Variants in SCGB2B2 observed in about 807,000 individuals in gnomAD.
SCGB2B2 encodes the protein secretoglobin-like protein.
Under a neutral mutation model 7.6 loss-of-function variants are expected in SCGB2B2, and 11 were observed. The ratio of observed to expected loss-of-function variants is 1.45; its 90% CI spans 0.91 to 2.40. The LOEUF (loss-of-function observed/expected upper bound fraction) is 2.40, where lower values mean the gene tolerates loss of function less well. Ranked by LOEUF, SCGB2B2 falls within the 30% of genes most tolerant of loss-of-function variation. The pLI is 0.00. For synonymous variants in SCGB2B2, 50 were observed against 48.6 expected (o/e 1.03, Z -0.12); for missense variants, 104 against 115.4 (o/e 0.90, Z 0.45).
intron 1 of SCGB2B2, among the ~76,000 whole-genome samples, chr19:34,650,623 A>G (rs1004048337): frequency 6.6e-6 from 1 of 151,364 alleles, no homozygotes; most frequent in Non-Finnish European, 1.5e-5. Context: ...AATATCTCCT[A>G]TCACAGAAAA....
At chr19:34,607,223 C>T (rs1485701839) in intron 1 of SCGB2B2, among the ~76,000 whole-genome samples, 1 of 152,184 alleles carries the variant, frequency 6.6e-6, no homozygotes, top group Non-Finnish European at 1.5e-5. Flanking sequence ...AGCAGGATTT[C>T]TCTCTTTTTT....
intron 1 of SCGB2B2, among the ~76,000 whole-genome samples, chr19:34,651,883 A>G (rs532934333): frequency 1.3e-5 from 2 of 151,558 alleles, no homozygotes; most frequent in East Asian, 3.9e-4. Flanking sequence ...AAAATAGACT[A>G]CAAAGCTATA....
In SCGB2B2 at chr19:34,595,772, C is replaced by T. The variant is rs2065433382; in HGVS notation, c.-1209G>A. ...ACGTGATTTTTGTCTCCTGACAGGA[C>T]CCTAAATTGTAAGTGTGACCCCAGG... On this transcript the variant is annotated 5_prime_UTR_variant, in exon 2 of 4. Transcript: ENST00000601241. 6.6e-6 allele frequency: 1 copy of T among 152,276 alleles called. No individual in the cohort carries two copies. The highest frequency in any genetic ancestry group is 2.4e-5 in the African/African-American group (1 of 41,452). 9.4% of individuals were successfully genotyped at this position (152,276 alleles called of 1,614,324 possible).
intron 1 of SCGB2B2, chr19:34,645,358 C>A (rs1346583669): frequency 6.4e-6 from 1 of 156,758 alleles, no homozygotes; most frequent in Non-Finnish European, 1.4e-5. Context: ...CCAGGACACT[C>A]CAGGGAGGAC....
intron 1 of SCGB2B2, among the ~76,000 whole-genome samples, chr19:34,663,736 T>C (rs2067528815): frequency 6.6e-6 from 1 of 151,134 alleles, no homozygotes; most frequent in Non-Finnish European, 1.5e-5. Context: ...AATAGAAAGA[T>C]GAGAGGCCAT....
At chr19:34,634,260 T>G (rs1169437501) in intron 1 of SCGB2B2, among the ~76,000 whole-genome samples, 2 of 152,194 alleles carry the variant, frequency 1.3e-5, no homozygotes, top group Non-Finnish European at 2.9e-5. Flanking sequence ...TATGGTGGTC[T>G]GCAATGGCCT....
At chr19:34,588,174 A>T (rs897409159), downstream of SCGB2B2, among the ~76,000 whole-genome samples, 3 of 152,208 alleles carry the variant, frequency 2.0e-5, no homozygotes, top group African/African-American at 7.2e-5. Context: ...CTTTGATAGG[A>T]GACATTTTAT....
Position 34,594,147 on chromosome 19 carries a change from G to A in SCGB2B2, c.246+28C>T, listed in dbSNP as rs373032747. ...AGCCTGGGACGTGTGGCCATGTAGT[G>A]TGTGCAGGTCCCCCCGGGCACACTC... is the stretch of plus-strand genomic sequence containing the variant. On this transcript the variant is annotated intron_variant, in intron 3 of 3. Coordinates refer to ENST00000601241, the MANE Select transcript of SCGB2B2 (RefSeq NM_001025591.4). 9.9e-5 allele frequency: 157 copies of A among 1,586,078 alleles called. No homozygotes were observed. The African/African-American group carries it at 1.8e-3, about 18-fold the overall frequency.
intron 1 of SCGB2B2, among the ~76,000 whole-genome samples, chr19:34,627,231 A>G (rs1346735765): frequency 6.6e-6 from 1 of 152,238 alleles, no homozygotes; most frequent in East Asian, 1.9e-4. Flanking sequence ...TAACATCATA[A>G]TGACAGGGTC....
At chr19:34,588,743 GA>G (rs2065235524), downstream of SCGB2B2, among the ~76,000 whole-genome samples, 4 of 152,160 alleles carry the variant, frequency 2.6e-5, no homozygotes, top group South Asian at 8.3e-4. Context: ...GCCCATGCAG[GA>G]GACACACAGG....
At chr19:34,641,338 AATT>A (rs373633273) in intron 1 of SCGB2B2, among the ~76,000 whole-genome samples, 4 of 152,326 alleles carry the variant, frequency 2.6e-5, no homozygotes, top group African/African-American at 9.6e-5. Flanking sequence ...GCAAGAATAC[AATT>A]ATTTAACTGA....
intron 1 of SCGB2B2, among the ~76,000 whole-genome samples, chr19:34,603,795 C>CTTTTTT (rs71165672): frequency 0.13 from 16,806 of 130,860 alleles, 1,654 homozygotes; most frequent in East Asian, 0.3. Flanking sequence ...TGTTTTATTA[C>CTTTTTT]TTTTTTTTTT....
At chr19:34,612,347 C>G (rs2065956493) in intron 1 of SCGB2B2, among the ~76,000 whole-genome samples, 1 of 152,000 alleles carries the variant, frequency 6.6e-6, no homozygotes, top group South Asian at 2.1e-4. Context: ...GAAAATTTAT[C>G]TTGTTATTGA....
At chr19:34,638,836 CA>C (rs2066763109) in intron 1 of SCGB2B2, among the ~76,000 whole-genome samples, 1 of 152,182 alleles carries the variant, frequency 6.6e-6, no homozygotes, top group Admixed American at 6.5e-5. Flanking sequence ...GAAATGATAT[CA>C]GAGGAAGATT....
chr19:34,603,043 A>T (rs1271766549), intron 1 of SCGB2B2, among the ~76,000 whole-genome samples: 1 of 152,212 alleles, frequency 6.6e-6, no homozygotes, highest in Non-Finnish European at 1.5e-5. Flanking sequence ...CAAAATCTTT[A>T]AAAATTTTAA....
chr19:34,627,666 T>C (rs2066416570), intron 1 of SCGB2B2, among the ~76,000 whole-genome samples: 1 of 152,166 alleles, frequency 6.6e-6, no homozygotes, highest in Admixed American at 6.5e-5. Flanking sequence ...ACAATAATAA[T>C]GGGAGACTTT....
chr19:34,634,871 C>G (rs1176242105), intron 1 of SCGB2B2: 1 of 279,922 alleles, frequency 3.6e-6, no homozygotes, highest in Non-Finnish European at 7.5e-6. Context: ...TGTGAACTCT[C>G]TGGTGTAAAA....
At chr19:34,670,834 A>G (rs895642333) in intron 1 of SCGB2B2, among the ~76,000 whole-genome samples, 32 of 152,248 alleles carry the variant, frequency 2.1e-4, no homozygotes, top group African/African-American at 7.2e-4. Flanking sequence ...ATGTTACTTA[A>G]TGAAGGTTTC....
chr19:34,636,189 C>A (rs1285835110), intron 1 of SCGB2B2, among the ~76,000 whole-genome samples: 3 of 152,204 alleles, frequency 2.0e-5, no homozygotes, highest in Non-Finnish European at 4.4e-5. Context: ...GGGTTCATTG[C>A]AAGACTCCTG....
Sources: gnomAD v4.1 joint callset for allele counts (sites outside exome capture counted in the v4.1 genomes callset) on GRCh38, gnomAD v4.1.1 for gene constraint, MANE v1.5 for transcripts, NCBI Gene and HGNC (gene_info 2026-07-23, HGNC 2026-07-21) for gene names.